The following STAB1 variants were observed in gnomAD, a reference collection of about 807,000 sequenced individuals.
STAB1 encodes stabilin 1, also known as stabilin-1.
Under a neutral mutation model 332.4 loss-of-function variants are expected in STAB1, and 250 were observed. That is an observed-to-expected ratio of 0.75 (90% CI 0.68 to 0.84). STAB1 has a LOEUF of 0.84. Among genes scored for constraint, STAB1 ranks in the 40% least tolerant of loss-of-function variants. The pLI is 0.00. For missense variants in STAB1, 3,249 were observed against 3,489.7 expected (o/e 0.93, Z 1.74); for synonymous variants, 1,475 against 1,390.4 (o/e 1.06, Z -1.35).
chr3:52,519,943 G>A lies in STAB1; in HGVS notation c.5236-1G>A, dbSNP rs1276556694. On this transcript the variant is annotated splice_acceptor_variant, in intron 50 of 68. Coordinates refer to ENST00000321725, the MANE Select transcript of STAB1 (RefSeq NM_015136.3). LOFTEE classifies it high-confidence loss of function. ...GCCACATCTTTGCTGCACCCCACCAGGTGGCCGGCCTCCTGCCCCTGCTTC... is the reference window on the plus strand; with the variant it reads ...GCCACATCTTTGCTGCACCCCACCAAGTGGCCGGCCTCCTGCCCCTGCTTC... 3 of 1,569,958 alleles carry A rather than the reference G, an allele frequency of 1.9e-6. No individual in the cohort carries two copies. The highest frequency in any genetic ancestry group is 8.6e-7 in the Non-Finnish European group (1 of 1,158,344).
At chr3:52,513,603 C>T (rs1709451051) in intron 30 of STAB1, 114 bp from the exon 31 acceptor site, 1 of 1,085,378 alleles carries the variant, frequency 9.2e-7, no homozygotes, top group Non-Finnish European at 1.3e-6. Flanking sequence ...TGTGGGCCAG[C>T]CTGCGGACCA....
In STAB1 at chr3:52,501,039, C is replaced by G. The variant is rs1201342833; in HGVS notation, c.79-127C>G. On this transcript the variant is annotated intron_variant, in intron 1 of 68. Transcript: ENST00000321725. ...TCAGCTCTGTGCCCAGAACCCTCTGCTTACTCTGACCCCTGAGCAGATGGG... is the reference window on the plus strand; with the variant it reads ...TCAGCTCTGTGCCCAGAACCCTCTGGTTACTCTGACCCCTGAGCAGATGGG... 4 of 1,364,980 alleles carry G rather than the reference C, an allele frequency of 2.9e-6. No individual in the cohort carries two copies. In the East Asian group the frequency reaches 7.0e-5, roughly 24 times the overall value. The allele number at this position is 1,364,980 out of a possible 1,614,324, so 84.6% of individuals were successfully genotyped here.
intron 22 of STAB1, 76 bp from the exon 23 acceptor site, chr3:52,509,794 C>T: frequency 1.3e-6 from 2 of 1,559,428 alleles, no homozygotes; most frequent in Admixed American, 3.4e-5. Context: ...TCCCTATATC[C>T]CCCAAACCCA....
chr3:52,507,715 G>C, intron 19 of STAB1, 40 bp downstream of exon 19: 1 of 1,611,634 alleles, frequency 6.2e-7, no homozygotes, highest in Non-Finnish European at 8.5e-7. Flanking sequence ...CCTCCTGACT[G>C]CCTGTTGAGG....
rs370973585 is a variant in STAB1 at position 52,514,993 on chromosome 3, A to G, written c.3812A>G (p.Lys1271Arg). The G allele has an allele frequency of 1.5e-5, 24 of 1,613,386 alleles. No individual in the cohort carries two copies. Among genetic ancestry groups the G allele is most frequent in the Non-Finnish European group, 1.9e-5 (23 of 1,180,004 alleles). Residue 1271 changes from lysine to arginine, a missense_variant, in exon 36 of 69, where the codon AAA (lysine) becomes AGA (arginine). Transcript: ENST00000321725. ...LHSHAEALRE[K>R]CVNCTRRFRC... Reference sequence around the variant, plus strand: ...CCCCACCCTTTTTCCCTCTAGGAGAAATGTGTAAACTGCACCAGGAGATTC... The same window carrying G: ...CCCCACCCTTTTTCCCTCTAGGAGAGATGTGTAAACTGCACCAGGAGATTC...
chr3:52,505,335 T>A lies in STAB1; in HGVS notation c.1535T>A (p.Ile512Asn). Reference protein sequence around the residue: ...PGDPKRTIGQILASTEAFSRF... With the variant: ...PGDPKRTIGQNLASTEAFSRF... The stretch of plus-strand genomic sequence containing the variant: ...TCCTTACAGAGAACTATCGGACAGA[T>A]CCTCGCCTCTACCGAGGCCTTCAGC... The change falls in exon 14 of 69, where the codon ATC becomes AAC. Residue 512 changes from isoleucine (I) to asparagine (N), a missense_variant. Coordinates refer to ENST00000321725, the MANE Select transcript of STAB1 (RefSeq NM_015136.3). 1 of 1,613,594 alleles carries A rather than the reference T, an allele frequency of 6.2e-7. No individual in the cohort carries two copies. The highest frequency in any genetic ancestry group is 8.5e-7 in the Non-Finnish European group (1 of 1,179,916).
rs1167893050 is a variant in STAB1, at chr3:52,509,211, G to T, written c.2237G>T (p.Cys746Phe). Residue 746 changes from cysteine to phenylalanine, a missense_variant and splice_region_variant, in exon 22 of 69, where the codon TGC becomes TTC. Physicochemically the swap from Cys to Phe is radical, Grantham distance 205. Transcript: ENST00000321725. ...TCCTGCCTTCTGCTCACTCTCTAGT[G>T]CAGTGATGGGATCCAGGGCAATGGG... ...FSNPCYGKGN[C>F]SDGIQGNGAC... 6.2e-7 allele frequency: 1 copy of T among 1,613,358 alleles called. No individual in the cohort carries two copies. Among genetic ancestry groups the T allele is most frequent in the East Asian group, 2.2e-5 (1 of 44,892 alleles).
intron 25 of STAB1, 33 bp downstream of exon 25, chr3:52,510,540 G>A (rs773516470): frequency 6.3e-7 from 1 of 1,596,578 alleles, no homozygotes; most frequent in Admixed American, 1.7e-5. Context: ...TGGGGGCCTT[G>A]GTTCTGGGGG....
Position 52,514,264 on chromosome 3 carries a change from C to T in STAB1, c.3546+51C>T, listed in dbSNP as rs376212556. 3.1e-5 allele frequency: 49 copies of T among 1,603,916 alleles called. No homozygotes were observed. In the East Asian group the frequency reaches 3.6e-4, roughly 12 times the overall value. On this transcript the variant is annotated intron_variant, in intron 33 of 68. Coordinates refer to ENST00000321725, the MANE Select transcript of STAB1 (RefSeq NM_015136.3). Reference sequence around the variant, plus strand: ...GCAGGGAGGGCAAAGGCATAGAGGGCGAGCCTCCAATCCCACCACGAAGGG... The same window carrying T: ...GCAGGGAGGGCAAAGGCATAGAGGGTGAGCCTCCAATCCCACCACGAAGGG...
chr3:52,524,144 G>GACCA lies in STAB1; in HGVS notation c.7591_7594dup (p.Pro2532GlnfsTer19). The GACCA allele has an allele frequency of 6.2e-7, 1 of 1,613,962 alleles. No homozygotes were observed. On this transcript the variant is annotated frameshift_variant, in exon 68 of 69. Transcript: ENST00000321725. LOFTEE classifies it high-confidence loss of function. ...ACGACTTCTCACCGTGGCAAGAAGG[G>GACCA]ACCAACCCCACCCTGGTCTCTGTCC...
At chr3:52,515,536 G>A in intron 37 of STAB1, 30 bp downstream of exon 37, 1 of 1,610,980 alleles carries the variant, frequency 6.2e-7, no homozygotes, top group East Asian at 2.2e-5. Context: ...CCCCAAGCCT[G>A]TCCAGAGAGA....
intron 18 of STAB1, among the ~76,000 whole-genome samples, chr3:52,507,084 G>A (rs1024076664): frequency 3.3e-5 from 5 of 152,320 alleles, no homozygotes; most frequent in East Asian, 1.9e-4. Context: ...TTGCTCTGTC[G>A]CCTAGGCTGG....
In STAB1 at chr3:52,524,136, CAAG is replaced by C. The variant is rs747583442; in HGVS notation, c.7583_7585del (p.Glu2528del). On this transcript the variant is annotated inframe_deletion, in exon 68 of 69. Coordinates refer to ENST00000321725, the MANE Select transcript of STAB1 (RefSeq NM_015136.3). ...TGCTGATGACGACTTCTCACCGTGG[CAAG>C]AAGGGACCAACCCCACCCTGGTCTC... is the stretch of plus-strand genomic sequence containing the variant. The C allele has an allele frequency of 1.9e-6, 3 of 1,613,942 alleles. No homozygotes were observed. Among genetic ancestry groups the C allele is most frequent in the East Asian group, 2.2e-5 (1 of 44,882 alleles).
chr3:52,521,759 T>A, intron 57 of STAB1, 59 bp downstream of exon 57: 4 of 1,606,126 alleles, frequency 2.5e-6, no homozygotes, highest in Non-Finnish European at 3.4e-6. Flanking sequence ...CACACATCAG[T>A]AAAGGCACCA....
In STAB1 at chr3:52,516,408, C is replaced by T. The variant is rs114024914; in HGVS notation, c.4197C>T (p.Ser1399=). Residue 1399 remains serine, a synonymous_variant, in exon 39 of 69, where the codon AGC becomes AGT. Coordinates refer to ENST00000321725, the MANE Select transcript of STAB1 (RefSeq NM_015136.3). ...AGGAGGGGCTGCAAGGGGACGGAAG[C>T]TGTGTCTGTAACGTGGGCTGGCAGG... ...LCQEGLQGDG[S]CVCNVGWQGL... 9.2e-4 allele frequency: 1,479 copies of T among 1,611,174 alleles called. 12 individuals carry two copies. The African/African-American group carries it at 0.017, about 18-fold the overall frequency.
In STAB1 at chr3:52,509,890, C is replaced by T; in HGVS notation, c.2368C>T (p.Leu790Phe). The T allele has an allele frequency of 6.2e-7, 1 of 1,613,062 alleles. No individual in the cohort carries two copies. The highest frequency in any genetic ancestry group is 1.1e-5 in the South Asian group (1 of 91,080). The change falls in exon 23 of 69, where the codon CTC becomes TTC. Residue 790 changes from leucine to phenylalanine, a missense_variant. Physicochemically the swap from Leu to Phe is conservative, Grantham distance 22 (BLOSUM62 0). Coordinates refer to ENST00000321725, the MANE Select transcript of STAB1 (RefSeq NM_015136.3). ...TACAGACTGCGGCTGTGTCCATGGT[C>T]TCTGCGACAACCGCCCAGGCAGTGG... ...CQEDCGCVHG[L>F]CDNRPGSGGV... is the part of the protein sequence containing the mutation.
chr3:52,512,986 A>T (rs1256715861), intron 29 of STAB1, 28 bp downstream of exon 29: 5 of 1,601,294 alleles, frequency 3.1e-6, no homozygotes, highest in Non-Finnish European at 3.4e-6. Flanking sequence ...AGGCTGTGGG[A>T]GGGGCTTCCT....
At chr3:52,499,636 ACGCCTGTAATCC>A in intron 1 of STAB1, among the ~76,000 whole-genome samples, 3 of 150,618 alleles carry the variant, frequency 2.0e-5, no homozygotes, top group Non-Finnish European at 3.0e-5. Context: ...GCGGTGGCTC[ACGCCTGTAATCC>A]CAGCACTTTG....
chr3:52,524,346 C>T lies in STAB1; in HGVS notation c.7703C>T (p.Thr2568Ile). ...TTCCCTGACACCCAGAGGATCCTCACAGTCAAGTGACGAGGCTGGGGCTGA... is the reference window on the plus strand; with the variant it reads ...TTCCCTGACACCCAGAGGATCCTCATAGTCAAGTGACGAGGCTGGGGCTGA... ...EDFPDTQRIL[T>I]VK is the part of the protein sequence containing the mutation. Residue 2568 changes from threonine (T) to isoleucine (I), a missense_variant, in exon 69 of 69, where the codon ACA (threonine) becomes ATA (isoleucine). By Grantham distance (89) the Thr-to-Ile change is moderately conservative. Transcript: ENST00000321725. The T allele has an allele frequency of 6.2e-7, 1 of 1,613,840 alleles. No homozygotes were observed.
Sources: allele counts gnomAD v4.1 joint callset (sites outside exome capture counted in the v4.1 genomes callset), GRCh38; gene constraint gnomAD v4.1.1; transcripts MANE v1.5; gene names NCBI Gene and HGNC (gene_info 2026-07-23, HGNC 2026-07-21).